RANBP17: variants seen among roughly 807,000 people sequenced by gnomAD.
RANBP17 encodes ran-binding protein 17.
In RANBP17, 158 loss-of-function variants were observed where a neutral mutation model predicts 141.2. That is an observed-to-expected ratio of 1.12 (90% CI 0.98 to 1.28). RANBP17 has a LOEUF of 1.28. Among genes scored for constraint, RANBP17 ranks in the 50% most tolerant of loss-of-function variants. RANBP17 has a pLI of 0.00. For synonymous variants in RANBP17, 430 were observed against 450.0 expected (o/e 0.96, Z 0.56); for missense variants, 1,438 against 1,290.7 (o/e 1.11, Z -1.75).
chr5:170,980,911 T>G (rs10076334), intron 14 of RANBP17, among the ~76,000 whole-genome samples: 8 of 151,888 alleles, frequency 5.3e-5, no homozygotes, highest in Non-Finnish European at 1.0e-4. Flanking sequence ...GGAAAAGCCA[T>G]CGCCAGCCTG....
chr5:171,279,543 A>G (rs527635489), intron 25 of RANBP17, among the ~76,000 whole-genome samples: 5 of 152,284 alleles, frequency 3.3e-5, no homozygotes, highest in African/African-American at 1.2e-4. Flanking sequence ...CTCATGCCTA[A>G]TCACCTCTTA....
intron 25 of RANBP17, among the ~76,000 whole-genome samples, chr5:171,279,233 C>A (rs1018147509): frequency 1.3e-5 from 2 of 152,214 alleles, no homozygotes; most frequent in Non-Finnish European, 2.9e-5. Context: ...CTGCATACTT[C>A]AGGCATTGCC....
At chr5:171,190,111 C>A (rs370445142) in intron 18 of RANBP17, among the ~76,000 whole-genome samples, 1 of 152,044 alleles carries the variant, frequency 6.6e-6, no homozygotes, top group Admixed American at 6.6e-5. Flanking sequence ...ACAAAACATT[C>A]TAATTGAATC....
chr5:171,024,925 A>G (rs1026138796), intron 14 of RANBP17, among the ~76,000 whole-genome samples: 4 of 152,122 alleles, frequency 2.6e-5, no homozygotes, highest in Non-Finnish European at 5.9e-5. Context: ...CCAACTATCT[A>G]CATGACATTC....
intron 2 of RANBP17, among the ~76,000 whole-genome samples, chr5:170,881,278 T>C (rs77987687): frequency 6.6e-6 from 1 of 152,088 alleles, no homozygotes; most frequent in Non-Finnish European, 1.5e-5. Context: ...AGTGAATACA[T>C]GAACCAAATT....
At chr5:170,928,093 C>T (rs139469017) in intron 12 of RANBP17, among the ~76,000 whole-genome samples, 144 of 152,188 alleles carry the variant, frequency 9.5e-4, no homozygotes, top group Admixed American at 1.9e-3. Flanking sequence ...TTATAATTTG[C>T]ATTCCCTAAT....
At chr5:171,227,333 G>C (rs1307170124) in intron 22 of RANBP17, among the ~76,000 whole-genome samples, 1 of 152,236 alleles carries the variant, frequency 6.6e-6, no homozygotes, top group East Asian at 1.9e-4. Flanking sequence ...CTGACATGGA[G>C]AAGGTTTTAG....
chr5:170,920,548 G>A (rs1464337325), intron 11 of RANBP17, among the ~76,000 whole-genome samples: 1 of 149,998 alleles, frequency 6.7e-6, no homozygotes, highest in Non-Finnish European at 1.5e-5. Context: ...AGCAGTCTGT[G>A]TATTTTCTTC....
At position 170,914,850 on chromosome 5, in the gene RANBP17, A is replaced by C. The variant is rs373718500; in HGVS notation, c.834+610A>C. Among the ~76,000 whole-genome samples, 29 of 152,308 alleles carry C rather than the reference A, an allele frequency of 1.9e-4. 1 individual carries two copies. The highest frequency in any genetic ancestry group is 7.0e-4 in the African/African-American group (29 of 41,576). ...TAAAACAAATCTGTCAAGGTTATTA[A>C]AAATTGTAAGTTTAAGTTTAAACTT... On this transcript the variant is annotated intron_variant, in intron 8 of 27. Coordinates refer to ENST00000523189, the MANE Select transcript of RANBP17 (RefSeq NM_022897.5).
intron 18 of RANBP17, among the ~76,000 whole-genome samples, chr5:171,189,064 GT>G (rs1312014996): frequency 1.3e-5 from 2 of 151,522 alleles, no homozygotes; most frequent in African/African-American, 2.4e-5. Flanking sequence ...TTAGTTCAAA[GT>G]TTTTTTTTAA....
intron 14 of RANBP17, among the ~76,000 whole-genome samples, chr5:171,010,879 G>A (rs953187982): frequency 2.6e-5 from 4 of 152,032 alleles, no homozygotes; most frequent in African/African-American, 9.7e-5. Flanking sequence ...TTGTAAGTGG[G>A]TTTACATTTT....
chr5:170,956,171 T>C (rs945812830), intron 13 of RANBP17, among the ~76,000 whole-genome samples: 3 of 152,142 alleles, frequency 2.0e-5, no homozygotes, highest in Non-Finnish European at 4.4e-5. Context: ...ACTTATATCT[T>C]ACACAAAATT....
intron 20 of RANBP17, among the ~76,000 whole-genome samples, chr5:171,213,115 A>C (rs927207207): frequency 6.6e-6 from 1 of 152,188 alleles, no homozygotes; most frequent in Non-Finnish European, 1.5e-5. Flanking sequence ...TTTTTTTAAA[A>C]AGAATAATGT....
At chr5:171,066,113 C>T (rs954246349) in intron 14 of RANBP17, among the ~76,000 whole-genome samples, 5 of 152,098 alleles carry the variant, frequency 3.3e-5, no homozygotes, top group Non-Finnish European at 5.9e-5. Flanking sequence ...CTGCCCACCT[C>T]GGCCTCCCAA....
intron 14 of RANBP17, among the ~76,000 whole-genome samples, chr5:171,005,296 A>C (rs988079661): frequency 6.6e-6 from 1 of 152,172 alleles, no homozygotes; most frequent in African/African-American, 2.4e-5. Flanking sequence ...GTCAATCCTA[A>C]GCCAAAAGAA....
chr5:171,005,935 G>T (rs1459931329), intron 14 of RANBP17, among the ~76,000 whole-genome samples: 2 of 152,152 alleles, frequency 1.3e-5, no homozygotes, highest in Non-Finnish European at 2.9e-5. Context: ...AGTAGGCAAA[G>T]GATATGAACA....
At chr5:170,888,442 G>A (rs1268491820) in intron 3 of RANBP17, among the ~76,000 whole-genome samples, 1 of 152,036 alleles carries the variant, frequency 6.6e-6, no homozygotes, top group Non-Finnish European at 1.5e-5. Context: ...TATTTTGTTA[G>A]ATTTAAATCT....
At chr5:170,863,348 G>A (rs1341832783) in intron 1 of RANBP17, 1 of 152,248 alleles carries the variant, frequency 6.6e-6, no homozygotes, top group African/African-American at 2.4e-5. Context: ...GTGTATCTAA[G>A]AATCTCATTC....
At chr5:171,141,507 G>A (rs753454590) in intron 14 of RANBP17, among the ~76,000 whole-genome samples, 113 of 150,382 alleles carry the variant, frequency 7.5e-4, no homozygotes, top group Non-Finnish European at 6.4e-4. Context: ...CTGGGGAGGC[G>A]GAGGGAGGAG....
Sources: allele counts gnomAD v4.1 joint callset (sites outside exome capture counted in the v4.1 genomes callset), GRCh38; gene constraint gnomAD v4.1.1; transcripts MANE v1.5; gene names NCBI Gene and HGNC (gene_info 2026-07-23, HGNC 2026-07-21).